Variants in GRIA4 observed in about 807,000 individuals in gnomAD.
GRIA4 encodes glutamate receptor 4.
Under a neutral mutation model 104.0 loss-of-function variants are expected in GRIA4, and 34 were observed. The observed-to-expected ratio is 0.33, with a 90% CI of 0.25 to 0.44. GRIA4 has a LOEUF of 0.44. GRIA4 is among the 20% of genes least tolerant of loss of function. The probability of loss-of-function intolerance (pLI) is 1.00; values close to 1 mark genes in which losing one functional copy is unlikely to be tolerated. For synonymous variants in GRIA4, 386 were observed against 381.9 expected, an observed-to-expected ratio of 1.01 and a Z score of -0.13; for missense variants, 750 against 1,096.5, an observed-to-expected ratio of 0.68 and a Z score of 4.46.
intron 3 of GRIA4, among the ~76,000 whole-genome samples, chr11:105,690,896 A>T (rs1265415248): frequency 6.6e-6 from 1 of 152,180 alleles, no homozygotes. Flanking sequence ...AAACTCCATG[A>T]GTTAATTGGC....
intron 4 of GRIA4, among the ~76,000 whole-genome samples, chr11:105,773,524 G>A (rs1035355643): frequency 1.1e-4 from 17 of 151,964 alleles, no homozygotes; most frequent in African/African-American, 4.1e-4. Context: ...GTTTATACAG[G>A]AGTATCATTA....
chr11:105,706,967 T>C (rs1488597788), intron 3 of GRIA4: 3 of 152,264 alleles, frequency 2.0e-5, no homozygotes, highest in East Asian at 3.8e-4. Context: ...AGGATACCTA[T>C]ATTCTATTTA....
In GRIA4 at chr11:105,727,915, C is replaced by CA. The variant is rs1421801273; in HGVS notation, c.248-25061dup. On this transcript the variant is annotated intron_variant, in intron 3 of 16. Coordinates refer to ENST00000282499, the MANE Select transcript of GRIA4 (RefSeq NM_000829.4). ...AAGGAAAAACCAGTACCAGCCACTGCAAAAACAAACCAAAATGTAAAAACA... is the reference window on the plus strand; with the variant it reads ...AAGGAAAAACCAGTACCAGCCACTGCAAAAAACAAACCAAAATGTAAAAACA... Among the ~76,000 whole-genome samples, 3 of 152,092 alleles carry CA rather than the reference C, an allele frequency of 2.0e-5. No homozygotes were observed. The East Asian group carries it at 5.8e-4, about 29-fold the overall frequency.
intron 3 of GRIA4, among the ~76,000 whole-genome samples, chr11:105,630,651 T>A (rs1239551882): frequency 6.6e-6 from 1 of 152,150 alleles, no homozygotes; most frequent in East Asian, 1.9e-4. Flanking sequence ...ATTAGTGTTT[T>A]AAATCAATTT....
chr11:105,790,049 T>C lies in GRIA4; in HGVS notation c.487+36829T>C, dbSNP rs145158476. On this transcript the variant is annotated intron_variant, in intron 4 of 16. Transcript: ENST00000282499. ...GCAAGTGAGAAGGAAAATGCAGAAT[T>C]TTTTTTCTATCACTCTCACACAGCT... 3.9e-5 allele frequency among the ~76,000 whole-genome samples: 6 copies of C among 152,228 alleles called. No individual in the cohort carries two copies. In the East Asian group the frequency reaches 9.7e-4, roughly 25 times the overall value.
intron 4 of GRIA4, among the ~76,000 whole-genome samples, chr11:105,786,144 C>CAAAAAAAAAAAAA (rs34888562): frequency 2.2e-5 from 2 of 89,260 alleles, no homozygotes; most frequent in Non-Finnish European, 4.1e-5. Context: ...GACCCTTTCT[C>CAAAAAAAAAAAAA]AAAAAAAAAA....
chr11:105,910,630 A>G, intron 10 of GRIA4, 85 bp downstream of exon 10: 1 of 728,776 alleles, frequency 1.4e-6, no homozygotes, highest in Non-Finnish European at 2.5e-6. Flanking sequence ...GGGAGGGCAA[A>G]GCTGACTGTT....
At chr11:105,691,094 CAT>C (rs1192722357) in intron 3 of GRIA4, among the ~76,000 whole-genome samples, 11 of 152,000 alleles carry the variant, frequency 7.2e-5, no homozygotes, top group African/African-American at 1.2e-4. Flanking sequence ...TGCGTGCAAA[CAT>C]GTGTGGAGAA....
At chr11:105,745,761 G>T (rs1165866168) in intron 3 of GRIA4, among the ~76,000 whole-genome samples, 1 of 152,148 alleles carries the variant, frequency 6.6e-6, no homozygotes, top group Non-Finnish European at 1.5e-5. Flanking sequence ...AGGCAGTCAG[G>T]AGTGGGACTT....
chr11:105,902,339 T>C (rs954013569), intron 7 of GRIA4, among the ~76,000 whole-genome samples: 24 of 151,928 alleles, frequency 1.6e-4, no homozygotes, highest in African/African-American at 5.8e-4. Context: ...TCTTTTTTTT[T>C]TTTCTTTCTG....
At chr11:105,975,164 GTGATCA>G (rs1316373051) in intron 16 of GRIA4, among the ~76,000 whole-genome samples, 1 of 152,158 alleles carries the variant, frequency 6.6e-6, no homozygotes, top group Non-Finnish European at 1.5e-5. Flanking sequence ...TTAAGGAAGA[GTGATCA>G]TCAGAATTTT....
intron 4 of GRIA4, among the ~76,000 whole-genome samples, chr11:105,825,779 C>T (rs1943748859): frequency 6.6e-6 from 1 of 152,010 alleles, no homozygotes; most frequent in Admixed American, 6.6e-5. Context: ...GGTACTAACA[C>T]CTCTCTATTT....
intron 3 of GRIA4, among the ~76,000 whole-genome samples, chr11:105,685,815 T>C (rs901808828): frequency 4.4e-4 from 2 of 4,566 alleles, no homozygotes; most frequent in Admixed American, 3.6e-3. Context: ...AACAGAGGCA[T>C]CAATCAAAAA....
At chr11:105,877,234 C>T (rs1235024534) in intron 5 of GRIA4, among the ~76,000 whole-genome samples, 1 of 152,154 alleles carries the variant, frequency 6.6e-6, no homozygotes, top group East Asian at 1.9e-4. Flanking sequence ...TGAATATTGA[C>T]CCCCACTCTC....
chr11:105,957,018 C>T (rs1262616522), intron 14 of GRIA4, among the ~76,000 whole-genome samples: 1 of 152,140 alleles, frequency 6.6e-6, no homozygotes, highest in Non-Finnish European at 1.5e-5. Context: ...AACCCTTTGT[C>T]AGATGGGTAG....
rs184967135 is a variant in GRIA4 at position 105,891,080 on chromosome 11, A to G, written c.726+3508A>G. Among the ~76,000 whole-genome samples the G allele has an allele frequency of 3.0e-3, 456 of 152,310 alleles. 4 individuals are homozygous for G. Among genetic ancestry groups the G allele is most frequent in the African/African-American group, 0.01 (428 of 41,568 alleles). ...TCCTAGTCTGTTTCTTAGAGATTCA[A>G]GTAAGAAAATTGCTTCCCTAATTTG... On this transcript the variant is annotated intron_variant, in intron 6 of 16. Coordinates refer to ENST00000282499, the MANE Select transcript of GRIA4 (RefSeq NM_000829.4).
intron 3 of GRIA4, among the ~76,000 whole-genome samples, chr11:105,694,590 T>C (rs2135503873): frequency 6.6e-6 from 1 of 152,222 alleles, no homozygotes; most frequent in East Asian, 1.9e-4. Context: ...AATCTGATGT[T>C]TATTTTACAC....
chr11:105,642,119 C>T (rs547697085), intron 3 of GRIA4, among the ~76,000 whole-genome samples: 22 of 152,090 alleles, frequency 1.4e-4, no homozygotes, highest in Non-Finnish European at 3.1e-4. Flanking sequence ...CATTTTAACT[C>T]GATTCTTTAA....
intron 3 of GRIA4, among the ~76,000 whole-genome samples, chr11:105,681,524 G>C (rs374607975): frequency 6.6e-6 from 1 of 152,188 alleles, no homozygotes; most frequent in Non-Finnish European, 1.5e-5. Flanking sequence ...TTTGGTTCAT[G>C]ATTAAATCTC....
Sources: allele counts gnomAD v4.1 joint callset (sites outside exome capture counted in the v4.1 genomes callset), GRCh38; gene constraint gnomAD v4.1.1; transcripts MANE v1.5; gene names NCBI Gene and HGNC (gene_info 2026-07-23, HGNC 2026-07-21).